RC3H2: variants seen among roughly 807,000 people sequenced by gnomAD.
RC3H2 encodes the protein ring finger and CCCH-type domains 2, also known as roquin-2.
In RC3H2, 31 loss-of-function variants were observed where a neutral mutation model predicts 133.3. The ratio of observed to expected loss-of-function variants is 0.23; its 90% CI spans 0.17 to 0.31. RC3H2 has a LOEUF of 0.31. RC3H2 is among the 10% of genes least tolerant of loss of function. The pLI is 1.00. For synonymous variants in RC3H2, 517 were observed against 502.2 expected, an observed-to-expected ratio of 1.03 and a Z score of -0.40; for missense variants, 1,175 against 1,437.2, an observed-to-expected ratio of 0.82 and a Z score of 2.95.
chr9:122,895,169 T>TTG (rs1832366728), intron 2 of RC3H2, among the ~76,000 whole-genome samples: 1 of 151,854 alleles, frequency 6.6e-6, no homozygotes, highest in Non-Finnish European at 1.5e-5. Flanking sequence ...GGTTTTTTTT[T>TTG]TTTTTTTGAG....
Position 122,846,152 on chromosome 9 carries a change from T to C in RC3H2, c.*3475A>G, listed in dbSNP as rs1156578207. ...CAAATTGCCGTGCATCCTGTAATTT[T>C]CTCAAGGCAGCATATAAAATTGGGA... On this transcript the variant is annotated 3_prime_UTR_variant, in exon 21 of 21. Coordinates refer to ENST00000357244, the MANE Select transcript of RC3H2 (RefSeq NM_001100588.3). 2 of 152,238 alleles carry C rather than the reference T, an allele frequency of 1.3e-5. No homozygotes were observed. The highest frequency in any genetic ancestry group is 4.8e-5 in the African/African-American group (2 of 41,456). The allele number at this position is 152,238 out of a possible 1,614,324, so 9.4% of individuals were successfully genotyped here. A position where few individuals can be genotyped will look rare whatever the true frequency, so the allele number is the denominator to read the frequency against.
intron 5 of RC3H2, among the ~76,000 whole-genome samples, chr9:122,882,122 C>T (rs1564308386): frequency 6.6e-6 from 1 of 152,104 alleles, no homozygotes; most frequent in Non-Finnish European, 1.5e-5. Flanking sequence ...AAATGTTCTG[C>T]TACCAGAGAA....
At chr9:122,862,478 AGG>A (rs1830493058) in intron 10 of RC3H2, among the ~76,000 whole-genome samples, 1 of 152,198 alleles carries the variant, frequency 6.6e-6, no homozygotes, top group Admixed American at 6.5e-5. Flanking sequence ...GAAATAGCTC[AGG>A]TATCATCACT....
intron 20 of RC3H2, among the ~76,000 whole-genome samples, chr9:122,850,377 T>G (rs374013917): frequency 7.2e-5 from 11 of 152,114 alleles, no homozygotes; most frequent in African/African-American, 2.2e-4. Context: ...TTGGCAGTAA[T>G]TATTCAAAAT....
At chr9:122,873,691 G>A (rs1831203242) in intron 9 of RC3H2, 2 of 151,738 alleles carry the variant, frequency 1.3e-5, no homozygotes, top group Admixed American at 6.6e-5. Flanking sequence ...TATAGAGTGA[G>A]GCCCTGTCTC....
intron 5 of RC3H2, among the ~76,000 whole-genome samples, chr9:122,882,367 C>T (rs1394037429): frequency 1.3e-4 from 20 of 152,206 alleles, no homozygotes; most frequent in Non-Finnish European, 2.2e-4. Context: ...CTATTATCAA[C>T]TACCTGTTAT....
chr9:122,855,521 G>A (rs1248102282), intron 14 of RC3H2, 124 bp from the exon 15 acceptor site: 16 of 982,982 alleles, frequency 1.6e-5, no homozygotes, highest in Middle Eastern at 3.1e-4. Flanking sequence ...TAGACTCAAC[G>A]ATAATCCAAC....
At chr9:122,855,673 CAT>C (rs1398047138) in intron 14 of RC3H2, 57 bp downstream of exon 14, 79 of 1,537,404 alleles carry the variant, frequency 5.1e-5, no homozygotes, top group Non-Finnish European at 6.7e-5. Flanking sequence ...CATTCTACAA[CAT>C]GAGTGAACAT....
chr9:122,873,116 T>C (rs894435410), intron 9 of RC3H2, among the ~76,000 whole-genome samples: 2 of 152,162 alleles, frequency 1.3e-5, no homozygotes, highest in Non-Finnish European at 2.9e-5. Flanking sequence ...AAAGAAAATA[T>C]AGGTAAAATT....
intron 10 of RC3H2, 61 bp downstream of exon 10, chr9:122,865,287 AC>A: frequency 7.2e-7 from 1 of 1,389,252 alleles, no homozygotes; most frequent in Admixed American, 2.2e-5. Flanking sequence ...AGAAATAAAA[AC>A]ACTCAGGCAT....
rs74426418 is a variant in RC3H2, at chr9:122,865,330, A to G, written c.1634+19T>C. 5,176 of 1,566,084 alleles carry G rather than the reference A, an allele frequency of 3.3e-3. 153 individuals carry two copies. The African/African-American group carries it at 0.061, about 19-fold the overall frequency. Reference sequence around the variant, plus strand: ...AAAGGAAAAAGAATTTCCAGTAATCATTTTTACCTAATACCTACTTTTCAG... The same window carrying G: ...AAAGGAAAAAGAATTTCCAGTAATCGTTTTTACCTAATACCTACTTTTCAG... On this transcript the variant is annotated intron_variant, in intron 10 of 20. Coordinates refer to ENST00000357244, the MANE Select transcript of RC3H2 (RefSeq NM_001100588.3).
At chr9:122,850,660 T>C (rs995380174) in intron 20 of RC3H2, among the ~76,000 whole-genome samples, 1 of 151,484 alleles carries the variant, frequency 6.6e-6, no homozygotes, top group Non-Finnish European at 1.5e-5. Flanking sequence ...GCCAGGCTGC[T>C]CTTGAACTCC....
chr9:122,861,490 C>CAAAA (rs1197442646), intron 10 of RC3H2, among the ~76,000 whole-genome samples: 7 of 55,646 alleles, frequency 1.3e-4, no homozygotes, highest in African/African-American at 3.3e-4. Flanking sequence ...AACTCCGTCT[C>CAAAA]AAAAAAAAAA....
chr9:122,880,274 T>A (rs1476063710), intron 6 of RC3H2, 149 bp from the exon 7 acceptor site: 1 of 948,428 alleles, frequency 1.1e-6, no homozygotes, highest in Non-Finnish European at 1.7e-6. Flanking sequence ...AATTTTCACC[T>A]CAGAATCTGC....
At chr9:122,862,233 C>T (rs148613536) in intron 10 of RC3H2, among the ~76,000 whole-genome samples, 129 of 152,190 alleles carry the variant, frequency 8.5e-4, no homozygotes, top group African/African-American at 2.9e-3. Flanking sequence ...CAACAAGATC[C>T]ATGATAAGGT....
chr9:122,864,989 A>C (rs1410653345), intron 10 of RC3H2, among the ~76,000 whole-genome samples: 1 of 152,148 alleles, frequency 6.6e-6, no homozygotes, highest in Non-Finnish European at 1.5e-5. Flanking sequence ...CTAGAGGCTC[A>C]GCATTTTACC....
chr9:122,853,585 C>CAGTA (rs753119160), intron 18 of RC3H2, among the ~76,000 whole-genome samples: 149 of 152,172 alleles, frequency 9.8e-4, no homozygotes, highest in Non-Finnish European at 1.5e-3. Context: ...AACCCTGTCT[C>CAGTA]TACTAAAAAC....
At chr9:122,889,586 T>A (rs1290052800) in intron 4 of RC3H2, among the ~76,000 whole-genome samples, 1 of 152,148 alleles carries the variant, frequency 6.6e-6, no homozygotes, top group Non-Finnish European at 1.5e-5. Flanking sequence ...GAAGATTTTT[T>A]AAGACAGAAC....
At position 122,866,374 on chromosome 9, in the gene RC3H2, TC is replaced by T. The variant is rs370484206; in HGVS notation, c.1326-718del. Among the ~76,000 whole-genome samples, 145 of 22,360 alleles carry T rather than the reference TC, an allele frequency of 6.5e-3. 2 individuals carry two copies. Among genetic ancestry groups the T allele is most frequent in the Middle Eastern group, 0.056 (2 of 36 alleles). 14.7% of individuals were successfully genotyped at this position (22,360 alleles called of 152,430 possible). A position where few individuals can be genotyped will look rare whatever the true frequency, so the allele number is the denominator to read the frequency against. On this transcript the variant is annotated intron_variant, in intron 9 of 20. Transcript: ENST00000357244. Reference sequence around the variant, plus strand: ...AAATGTCTCCCTCTCCCCCTCCCCCTCCCCCCTCCCTCTCCCCACGGTCTCC... The same window carrying T: ...AAATGTCTCCCTCTCCCCCTCCCCCTCCCCCTCCCTCTCCCCACGGTCTCC...
Sources: gnomAD v4.1 joint callset for allele counts (sites outside exome capture counted in the v4.1 genomes callset) on GRCh38, gnomAD v4.1.1 for gene constraint, MANE v1.5 for transcripts, NCBI Gene and HGNC (gene_info 2026-07-23, HGNC 2026-07-21) for gene names.